MYO5B: variants seen among roughly 807,000 people sequenced by gnomAD.
The protein encoded by MYO5B is unconventional myosin-Vb.
A neutral mutation model predicts 229.3 loss-of-function variants in MYO5B; 143 were observed. That is an observed-to-expected ratio of 0.62 (90% CI 0.54 to 0.72). The LOEUF (loss-of-function observed/expected upper bound fraction) is 0.72, where lower values mean the gene tolerates loss of function less well. Ranked by LOEUF, MYO5B falls within the 30% of genes least tolerant of loss-of-function variation. The pLI is 0.00. For synonymous variants in MYO5B, 918 were observed against 885.2 expected, an observed-to-expected ratio of 1.04 and a Z score of -0.66; for missense variants, 2,321 against 2,331.0, an observed-to-expected ratio of 1.00 and a Z score of 0.09.
intron 1 of MYO5B, among the ~76,000 whole-genome samples, chr18:50,095,208 A>G (rs73448725): frequency 0.093 from 14,232 of 152,226 alleles, 1,229 homozygotes; most frequent in African/African-American, 0.23. Flanking sequence ...ACCATTTCAG[A>G]AAAATGTGTT....
chr18:49,942,726 A>G (rs2025330817), intron 14 of MYO5B, among the ~76,000 whole-genome samples: 1 of 151,716 alleles, frequency 6.6e-6, no homozygotes, highest in Admixed American at 6.6e-5. Flanking sequence ...CAGGTGCTGG[A>G]GAGGATGTGG....
rs1342292021 is a variant in MYO5B at position 50,170,909 on chromosome 18, GCACT to G, written c.27+23854_27+23857del. ...GAAGAAAGAACGTACAGGAAATTCA[GCACT>G]CAATCTTTCTCTACTTGCTCACATT... On this transcript the variant is annotated intron_variant, in intron 1 of 39. Coordinates refer to ENST00000285039, the MANE Select transcript of MYO5B (RefSeq NM_001080467.3). Among the ~76,000 whole-genome samples, 2 of 128,060 alleles carry G rather than the reference GCACT, an allele frequency of 1.6e-5. 1 individual carries two copies. The highest frequency in any genetic ancestry group is 4.5e-4 in the East Asian group (2 of 4,434). 84.0% of individuals were successfully genotyped at this position (128,060 alleles called of 152,430 possible).
At chr18:50,158,189 T>C (rs766606409) in intron 1 of MYO5B, among the ~76,000 whole-genome samples, 2 of 152,202 alleles carry the variant, frequency 1.3e-5, no homozygotes, top group Non-Finnish European at 2.9e-5. Flanking sequence ...TTTTATATAG[T>C]AAGGTCTTCT....
chr18:49,954,524 G>A (rs774135244), intron 12 of MYO5B, 89 bp from the exon 13 acceptor site: 1 of 1,546,410 alleles, frequency 6.5e-7, no homozygotes, highest in Non-Finnish European at 8.9e-7. Flanking sequence ...CAGTAGGCTG[G>A]CTCTGTGAAG....
Position 49,904,772 on chromosome 18 carries a change from C to A in MYO5B, c.2471G>T (p.Arg824Leu). The A allele has an allele frequency of 9.3e-6, 15 of 1,613,966 alleles. No individual in the cohort carries two copies. Among genetic ancestry groups the A allele is most frequent in the Non-Finnish European group, 1.2e-5 (14 of 1,180,032 alleles). Residue 824 changes from arginine to leucine, a missense_variant, in exon 20 of 40, where the codon CGC (arginine) becomes CTC (leucine). By Grantham distance (102) the Arg-to-Leu change is moderately radical (BLOSUM62 -2). Transcript: ENST00000285039. ...GTAGGCCTGGCGGGCCCTCTGCATG[C>A]GGTAATGTTTCTGGAGCACCACAGC... ...RAAVVLQKHYRMQRARQAYQR... is the reference protein window; with the variant it reads ...RAAVVLQKHYLMQRARQAYQR...
chr18:49,985,661 T>A (rs1211850789), intron 7 of MYO5B, among the ~76,000 whole-genome samples: 1 of 152,214 alleles, frequency 6.6e-6, no homozygotes, highest in Non-Finnish European at 1.5e-5. Flanking sequence ...CCTGGTACTA[T>A]CCTGCCTGGC....
intron 1 of MYO5B, among the ~76,000 whole-genome samples, chr18:50,074,378 A>C (rs1398938820): frequency 6.6e-6 from 1 of 152,164 alleles, no homozygotes; most frequent in African/African-American, 2.4e-5. Context: ...TGCATTTCCT[A>C]AACAGCAGTC....
At chr18:50,001,677 C>A (rs547136262) in intron 4 of MYO5B, among the ~76,000 whole-genome samples, 1 of 152,164 alleles carries the variant, frequency 6.6e-6, no homozygotes, top group African/African-American at 2.4e-5. Context: ...GCCACTCTCC[C>A]GAGTTCCCAC....
chr18:49,932,563 C>A (rs1429336439), intron 16 of MYO5B, among the ~76,000 whole-genome samples: 2 of 152,162 alleles, frequency 1.3e-5, no homozygotes, highest in African/African-American at 2.4e-5. Context: ...TTACTTTGGG[C>A]AAGACACAGT....
chr18:49,990,099 T>C (rs771432139), intron 7 of MYO5B, among the ~76,000 whole-genome samples: 1 of 152,352 alleles, frequency 6.6e-6, no homozygotes, highest in Non-Finnish European at 1.5e-5. Context: ...TACTTTTATC[T>C]CTAGATTCTT....
At chr18:49,994,986 T>A (rs2025971721) in intron 5 of MYO5B, among the ~76,000 whole-genome samples, 1 of 152,206 alleles carries the variant, frequency 6.6e-6, no homozygotes, top group African/African-American at 2.4e-5. Context: ...TCACCATACT[T>A]ACGGGAAAAC....
intron 35 of MYO5B, 70 bp from the exon 36 acceptor site, chr18:49,839,364 GGTAAC>G: frequency 6.4e-7 from 1 of 1,571,812 alleles, no homozygotes; most frequent in Non-Finnish European, 8.7e-7. Flanking sequence ...CCAGGGCTCT[GGTAAC>G]TTTAGTCATC....
At chr18:49,991,808 G>C (rs1312153908) in intron 6 of MYO5B, among the ~76,000 whole-genome samples, 4 of 151,950 alleles carry the variant, frequency 2.6e-5, no homozygotes, top group African/African-American at 4.8e-5. Flanking sequence ...ATGTATCCCA[G>C]AACTTAAAGT....
At chr18:50,029,749 G>A (rs912196567) in intron 4 of MYO5B, among the ~76,000 whole-genome samples, 4 of 150,376 alleles carry the variant, frequency 2.7e-5, no homozygotes, top group African/African-American at 9.7e-5. Flanking sequence ...CCCTCAAAGT[G>A]TGAAGATGCT....
chr18:49,931,914 A>G (rs2025197326), intron 16 of MYO5B, among the ~76,000 whole-genome samples: 1 of 152,118 alleles, frequency 6.6e-6, no homozygotes, highest in South Asian at 2.1e-4. Flanking sequence ...GTGTTCCCCA[A>G]GCCAGCCACC....
In MYO5B at chr18:49,974,497, A is replaced by C; in HGVS notation, c.1175T>G (p.Met392Arg). 1 of 1,614,168 alleles carries C rather than the reference A, an allele frequency of 6.2e-7. No individual in the cohort carries two copies. The highest frequency in any genetic ancestry group is 8.5e-7 in the Non-Finnish European group (1 of 1,180,026). The change falls in exon 10 of 40, where the codon ATG becomes AGG. Residue 392 changes from methionine (M) to arginine (R), a missense_variant. Physicochemically the swap from Met to Arg is moderately conservative, Grantham distance 91 (BLOSUM62 -1). Transcript: ENST00000285039. ...CGCATTGATCACCTGCTGCAGGGAC[A>C]TGGTCTTGACGTAGGTCTCCGAGGT... ...VTTSETYVKTMSLQQVINARN... is the reference protein window; with the variant it reads ...VTTSETYVKTRSLQQVINARN...
At chr18:49,916,079 C>T (rs573246252) in intron 17 of MYO5B, among the ~76,000 whole-genome samples, 54 of 152,354 alleles carry the variant, frequency 3.5e-4, no homozygotes, top group African/African-American at 1.2e-3. Flanking sequence ...CCTTTCCTTC[C>T]GTGTGTCTGA....
chr18:50,111,124 A>T (rs1258205611), intron 1 of MYO5B, among the ~76,000 whole-genome samples: 2 of 152,216 alleles, frequency 1.3e-5, no homozygotes, highest in African/African-American at 4.8e-5. Context: ...AGAAAGGGAT[A>T]ATGCTCAGAT....
In MYO5B at chr18:49,962,352, G is replaced by A. The variant is rs1568049290; in HGVS notation, c.1459C>T (p.Leu487=). 6.2e-7 allele frequency: 1 copy of A among 1,614,160 alleles called. No individual in the cohort carries two copies. Among genetic ancestry groups the A allele is most frequent in the Non-Finnish European group, 8.5e-7 (1 of 1,180,020 alleles). ...GGTTGGTTATCATAAAAATCAATCAGGGTCCAAGGGATCTGTTCCTTCATG... is the reference window on the plus strand; with the variant it reads ...GGTTGGTTATCATAAAAATCAATCAAGGTCCAAGGGATCTGTTCCTTCATG... ...EYMKEQIPWT[L]IDFYDNQPCI... is the part of the protein sequence containing the mutation. The change falls in exon 12 of 40, where the codon CTG becomes TTG. Residue 487 remains leucine (L), a synonymous_variant. Coordinates refer to ENST00000285039, the MANE Select transcript of MYO5B (RefSeq NM_001080467.3).
Sources: gnomAD v4.1 joint callset for allele counts (sites outside exome capture counted in the v4.1 genomes callset) on GRCh38, gnomAD v4.1.1 for gene constraint, MANE v1.5 for transcripts, NCBI Gene and HGNC (gene_info 2026-07-23, HGNC 2026-07-21) for gene names.